Variants in CCDC74B observed in about 807,000 individuals in gnomAD.
The protein encoded by CCDC74B is coiled-coil domain containing 74B.
In CCDC74B, 34 loss-of-function variants were observed where a neutral mutation model predicts 38.0. The observed-to-expected ratio is 0.89, with a 90% confidence interval of 0.68 to 1.19. The LOEUF is 1.19. CCDC74B is among the 50% of genes most tolerant of loss of function. The pLI is 0.00. For missense variants in CCDC74B, 358 were observed against 406.0 expected (o/e 0.88, Z 1.02); for synonymous variants, 132 against 170.4 (o/e 0.77, Z 1.76).
chr2:130,139,999 G>C, intron 6 of CCDC74B, 24 bp downstream of exon 6: 1 of 1,601,770 alleles, frequency 6.2e-7, no homozygotes, highest in African/African-American at 1.3e-5. Context: ...CCAGGGATGG[G>C]GCAGGGGTGC....
chr2:130,141,011 A>G (rs1394790483), intron 4 of CCDC74B, 147 bp downstream of exon 4: 11 of 1,344,024 alleles, frequency 8.2e-6, no homozygotes, highest in Non-Finnish European at 1.1e-5. Context: ...TGCTATCATG[A>G]GCCCTGGAGA....
At chr2:130,143,860 G>A (rs1573640984) in intron 1 of CCDC74B, among the ~76,000 whole-genome samples, 1 of 151,406 alleles carries the variant, frequency 6.6e-6, no homozygotes, top group Admixed American at 6.6e-5. Flanking sequence ...AAGCAAGAGC[G>A]AGGAGCGGAG....
rs369369085 is a variant in CCDC74B at position 130,140,342 on chromosome 2, C to G, written c.515G>C (p.Gly172Ala). Residue 172 changes from glycine to alanine, a missense_variant, in exon 5 of 8, where the codon GGA becomes GCA. Gly to Ala is a moderately conservative substitution (Grantham distance 60). Around this residue, in one of 3 missense-constraint regions of CCDC74B, gnomAD observed 213 missense variants for 212.3 expected, o/e 1.00. Coordinates refer to ENST00000409943, the MANE Select transcript of CCDC74B (RefSeq NM_001258307.2). ...CTGGCTGTTCCCCATACAGGCAGCTCCTGCGTTAGAGGCCTCTGCTTTCTC... is the reference window on the plus strand; with the variant it reads ...CTGGCTGTTCCCCATACAGGCAGCTGCTGCGTTAGAGGCCTCTGCTTTCTC... ...RKEKAEASNA[G>A]AACMGNSQHQ... is the part of the protein sequence containing the mutation. 1 of 1,604,324 alleles carries G rather than the reference C, an allele frequency of 6.2e-7. No individual in the cohort carries two copies. Among genetic ancestry groups the G allele is most frequent in the African/African-American group, 1.3e-5 (1 of 74,718 alleles).
Position 130,139,436 on chromosome 2 carries a change from G to A in CCDC74B, c.*119C>T. 8.0e-7 allele frequency: 1 copy of A among 1,252,290 alleles called. No homozygotes were observed. Among genetic ancestry groups the A allele is most frequent in the Non-Finnish European group, 1.1e-6 (1 of 912,072 alleles). The allele number at this position is 1,252,290 out of a possible 1,614,324, so 77.6% of individuals were successfully genotyped here. Reference sequence around the variant, plus strand: ...AGATCAAGTACTTTATCTATCTTGAGTGTTATCTATCTTGGAATTTAGCCA... The same window carrying A: ...AGATCAAGTACTTTATCTATCTTGAATGTTATCTATCTTGGAATTTAGCCA... On this transcript the variant is annotated 3_prime_UTR_variant, in exon 8 of 8. Coordinates refer to ENST00000409943, the MANE Select transcript of CCDC74B (RefSeq NM_001258307.2).
In CCDC74B at chr2:130,143,727, A is replaced by C. The variant is rs1685827461; in HGVS notation, c.251-414T>G. Among the ~76,000 whole-genome samples the C allele has an allele frequency of 5.3e-5, 8 of 151,886 alleles. No homozygotes were observed. In the South Asian group the frequency reaches 1.7e-3, roughly 32 times the overall value. The stretch of plus-strand genomic sequence containing the variant: ...TCCTGAGGCTCAAGAAGACATGGGG[A>C]AGCGGGGTCCTGACAAAACAGACGC... On this transcript the variant is annotated intron_variant, in intron 1 of 7. Transcript: ENST00000409943.
chr2:130,140,157 C>G (rs781065179), intron 5 of CCDC74B, 22 bp downstream of exon 5: 2 of 1,611,704 alleles, frequency 1.2e-6, no homozygotes, highest in African/African-American at 2.7e-5. Flanking sequence ...CCCAGGGCCA[C>G]CCCCACCACC....
intron 1 of CCDC74B, chr2:130,144,537 GC>G: frequency 6.5e-7 from 1 of 1,550,114 alleles, no homozygotes; most frequent in Admixed American, 2.0e-5. Flanking sequence ...TAGGAGACAG[GC>G]AGACAGGTTC....
chr2:130,142,966 C>G (rs1685758518), intron 2 of CCDC74B: 1 of 1,525,118 alleles, frequency 6.6e-7, no homozygotes. Context: ...GGGGCTGTCC[C>G]AGGGGTTCCT....
At chr2:130,139,792 G>A in intron 7 of CCDC74B, 99 bp downstream of exon 7, 1 of 1,607,344 alleles carries the variant, frequency 6.2e-7, no homozygotes. Flanking sequence ...AGAGGCCTCA[G>A]CGAGCTCCGC....
rs1685573523 is a variant in CCDC74B, at chr2:130,140,944, C to T, written c.485+214G>A. The T allele has an allele frequency of 1.8e-5, 12 of 674,076 alleles. No homozygotes were observed. The East Asian group carries it at 3.5e-4, about 20-fold the overall frequency. The allele number at this position is 674,076 out of a possible 1,614,324, so 41.8% of individuals were successfully genotyped here. On this transcript the variant is annotated intron_variant, in intron 4 of 7. Coordinates refer to ENST00000409943, the MANE Select transcript of CCDC74B (RefSeq NM_001258307.2). ...AGGTCAGCACAGGTACTCTGCAGGA[C>T]CCCCAGGGGAAGGGAGGAAGACAGC...
At chr2:130,143,702 T>G (rs1685824648) in intron 1 of CCDC74B, among the ~76,000 whole-genome samples, 1 of 151,834 alleles carries the variant, frequency 6.6e-6, no homozygotes, top group African/African-American at 2.4e-5. Flanking sequence ...GAACGGGGCG[T>G]CCTGAGGCTC....
In CCDC74B at chr2:130,139,612, CT is replaced by C. The variant is rs774894233; in HGVS notation, c.887del (p.Glu296GlyfsTer53). 84 of 1,613,356 alleles carry C rather than the reference CT, an allele frequency of 5.2e-5. No homozygotes were observed. The highest frequency in any genetic ancestry group is 6.5e-5 in the Non-Finnish European group (77 of 1,179,984). ...GCATTGCCTGCAGCCTCTTCTGCCT[CT>C]CGGCAAAGTTGTTCTTCGGGGTCTG... Reference protein sequence around the residue: ...LKQTPKNNFAERQKRLQAMQK... With the variant: ...LKQTPKNNFAXRQKRLQAMQK... On this transcript the variant is annotated frameshift_variant, in exon 8 of 8. Transcript: ENST00000409943. LOFTEE classifies it high-confidence loss of function.
In CCDC74B at chr2:130,139,844, C is replaced by T. The variant is rs545531426; in HGVS notation, c.809+47G>A. The T allele has an allele frequency of 2.2e-5, 36 of 1,610,120 alleles. No individual in the cohort carries two copies. In the African/African-American group the frequency reaches 3.3e-4, roughly 15 times the overall value. On this transcript the variant is annotated intron_variant, in intron 7 of 7. Transcript: ENST00000409943. ...TCCCTTCCCCACTCCCTCCCTGGGG[C>T]CCAGGCTGCAGGGCTGCCCCACTGT...
At chr2:130,144,007 G>C (rs1685854529) in intron 1 of CCDC74B, among the ~76,000 whole-genome samples, 1 of 135,060 alleles carries the variant, frequency 7.4e-6, no homozygotes. Flanking sequence ...GGACAGCATG[G>C]GCACAGGCGA....
rs1685511404 is a variant in CCDC74B at position 130,140,219 on chromosome 2, A to G, written c.638T>C (p.Ile213Thr). ...GAGGTTGGTATTCCACAGCTCGCGG[A>G]TGAGCACTTCGCACTGCCTAAGTGT... ...PTTLRQCEVL[I>T]RELWNTNLLQ... is the part of the protein sequence containing the mutation. The change falls in exon 5 of 8, where the codon ATC (isoleucine) becomes ACC (threonine). Residue 213 changes from isoleucine (I) to threonine (T), a missense_variant. Ile to Thr is a moderately conservative substitution (Grantham distance 89). Transcript: ENST00000409943. The G allele has an allele frequency of 6.2e-7, 1 of 1,613,184 alleles. No individual in the cohort carries two copies. Among genetic ancestry groups the G allele is most frequent in the African/African-American group, 1.3e-5 (1 of 74,836 alleles).
intron 5 of CCDC74B, 37 bp downstream of exon 5, chr2:130,140,142 G>C: frequency 6.2e-7 from 1 of 1,611,914 alleles, no homozygotes; most frequent in South Asian, 1.1e-5. Context: ...GGCGGTGCCA[G>C]ACTGCCCAGG....
At position 130,139,298 on chromosome 2, in the gene CCDC74B, C is replaced by A. The variant is rs1685429096; in HGVS notation, c.*257G>T. Reference sequence around the variant, plus strand: ...GCCAGGCACACAACTTGGAAATAAACAAGCTTTATTTTCAGTTTCAACAGG... The same window carrying A: ...GCCAGGCACACAACTTGGAAATAAAAAAGCTTTATTTTCAGTTTCAACAGG... On this transcript the variant is annotated 3_prime_UTR_variant, in exon 8 of 8. Coordinates refer to ENST00000409943, the MANE Select transcript of CCDC74B (RefSeq NM_001258307.2). 3.9e-6 allele frequency: 2 copies of A among 506,474 alleles called. No individual in the cohort carries two copies. The highest frequency in any genetic ancestry group is 7.1e-6 in the Non-Finnish European group (2 of 283,650). 31.4% of individuals were successfully genotyped at this position (506,474 alleles called of 1,614,324 possible). A position where few individuals can be genotyped will look rare whatever the true frequency, so the allele number is the denominator to read the frequency against.
rs1186031360 is a variant in CCDC74B, at chr2:130,139,467, A to G, written c.*88T>C. 3.3e-6 allele frequency: 5 copies of G among 1,499,776 alleles called. No homozygotes were observed. In the African/African-American group the frequency reaches 5.6e-5, roughly 17 times the overall value. 92.9% of individuals were successfully genotyped at this position (1,499,776 alleles called of 1,614,324 possible). A position where few individuals can be genotyped will look rare whatever the true frequency, so the allele number is the denominator to read the frequency against. ...TCTATCTTGGAATTTAGCCAGGCCT[A>G]AAAGTAGCGGAAGTGTCAGGAAATG... is the stretch of plus-strand genomic sequence containing the variant. On this transcript the variant is annotated 3_prime_UTR_variant, in exon 8 of 8. Coordinates refer to ENST00000409943, the MANE Select transcript of CCDC74B (RefSeq NM_001258307.2).
chr2:130,141,262 C>G lies in CCDC74B; in HGVS notation c.381G>C (p.Lys127Asn), dbSNP rs768313634. 3.1e-6 allele frequency: 5 copies of G among 1,605,206 alleles called. 1 individual carries two copies. Among genetic ancestry groups the G allele is most frequent in the South Asian group, 1.1e-5 (1 of 90,910 alleles). Residue 127 changes from lysine (K) to asparagine (N), a missense_variant, in exon 4 of 8, where the codon AAG (lysine) becomes AAC (asparagine). Lys to Asn is a moderately conservative substitution (Grantham distance 94). Coordinates refer to ENST00000409943, the MANE Select transcript of CCDC74B (RefSeq NM_001258307.2). ...GGGGGACGTCAGCTTTTGAATCTTGCTTGTTGAAGGAGCCGGGCTGGGGCC... is the reference window on the plus strand; with the variant it reads ...GGGGGACGTCAGCTTTTGAATCTTGGTTGTTGAAGGAGCCGGGCTGGGGCC... Reference protein sequence around the residue: ...KARPQPGSFNKQDSKADVPQK... With the variant: ...KARPQPGSFNNQDSKADVPQK...
Sources: gnomAD v4.1 joint callset for allele counts (sites outside exome capture counted in the v4.1 genomes callset) on GRCh38, gnomAD v4.1.1 for gene constraint, gnomAD v4.1.1 regional missense constraint, MANE v1.5 for transcripts, NCBI Gene and HGNC (gene_info 2026-07-23, HGNC 2026-07-21) for gene names.